RAB3IL1: variants seen among roughly 807,000 people sequenced by gnomAD.
RAB3IL1 encodes RAB3A interacting protein like 1, also known as guanine nucleotide exchange factor for Rab-3A.
RAB3IL1 carries 37 observed loss-of-function variants against 49.2 expected under a neutral mutation model. That is an observed-to-expected ratio of 0.75 (90% CI 0.58 to 0.99). RAB3IL1 has a LOEUF of 0.99. RAB3IL1 is among the 50% of genes least tolerant of loss of function. The pLI is 0.00. For missense variants in RAB3IL1, 484 were observed against 513.0 expected (o/e 0.94, Z 0.55); for synonymous variants, 193 against 213.9 (o/e 0.90, Z 0.85).
At chr11:61,934,446 G>GTATATATATATA in the RAB3IL1 span, among the ~76,000 whole-genome samples, 3 of 24,406 alleles carry the variant, frequency 1.2e-4, no homozygotes, top group East Asian at 1.8e-3. Flanking sequence ...GTGTGTGTGT[G>GTATATATATATA]TATGTATATA....
rs1938684171 is a variant in RAB3IL1, at chr11:61,897,566, G to C, written c.*712C>G. ...TTCTACTGTGGCAGAAAGTGCCCCA[G>C]TCCTTCCAGCGGTTTTGGGAGCAGG... On this transcript the variant is annotated 3_prime_UTR_variant, in exon 10 of 10. Coordinates refer to ENST00000394836, the MANE Select transcript of RAB3IL1 (RefSeq NM_013401.4). 1 of 152,118 alleles carries C rather than the reference G, an allele frequency of 6.6e-6. No individual in the cohort carries two copies. Among genetic ancestry groups the C allele is most frequent in the Admixed American group, 6.6e-5 (1 of 15,258 alleles). 9.4% of individuals were successfully genotyped at this position (152,118 alleles called of 1,614,324 possible).
chr11:61,912,914 G>C (rs117324079), intron 1 of RAB3IL1, among the ~76,000 whole-genome samples: 6 of 152,084 alleles, frequency 3.9e-5, no homozygotes, highest in Non-Finnish European at 5.9e-5. Flanking sequence ...GGGCTGGATG[G>C]GGGGGCAGGA....
the RAB3IL1 span, among the ~76,000 whole-genome samples, chr11:61,941,226 C>A: frequency 6.6e-6 from 1 of 151,134 alleles, no homozygotes; most frequent in Admixed American, 6.6e-5. Context: ...TGAACAAATG[C>A]CTAGAAACCA....
At chr11:61,928,280 A>C in the RAB3IL1 span, among the ~76,000 whole-genome samples, 1 of 152,158 alleles carries the variant, frequency 6.6e-6, no homozygotes, top group Non-Finnish European at 1.5e-5. Context: ...AAGTGCAGCC[A>C]AAGCTGGGAG....
At chr11:61,907,217 C>A (rs1031453778) in intron 4 of RAB3IL1, among the ~76,000 whole-genome samples, 176 bp downstream of exon 4, 2 of 152,220 alleles carry the variant, frequency 1.3e-5, no homozygotes, top group Admixed American at 1.3e-4. Flanking sequence ...GGACACTGGG[C>A]CCTGTGATCT....
intron 8 of RAB3IL1, 74 bp downstream of exon 8, chr11:61,902,368 A>G: frequency 7.8e-7 from 1 of 1,277,398 alleles, no homozygotes; most frequent in African/African-American, 1.5e-5. Context: ...TCATACTCCC[A>G]GGCCCAGGGC....
chr11:61,944,936 C>T, the RAB3IL1 span, among the ~76,000 whole-genome samples: 1 of 151,926 alleles, frequency 6.6e-6, no homozygotes, highest in African/African-American at 2.4e-5. Context: ...CCTGACCTCC[C>T]GTGATTCACC....
At chr11:61,942,318 T>C in the RAB3IL1 span, among the ~76,000 whole-genome samples, 3 of 152,206 alleles carry the variant, frequency 2.0e-5, no homozygotes, top group African/African-American at 7.2e-5. Flanking sequence ...ACACAAACAC[T>C]GTGGAAGGCC....
At position 61,907,592 on chromosome 11, in the gene RAB3IL1, C is replaced by A. The variant is rs760879221; in HGVS notation, c.333G>T (p.Leu111=). The A allele has an allele frequency of 1.9e-6, 3 of 1,614,148 alleles. No homozygotes were observed. The South Asian group carries it at 3.3e-5, about 18-fold the overall frequency. ...CAAACAGGCTGGCCGTCAGCTCTTC[C>A]AGCTCCTGTTCTAGCTGCTCCCGCA... The part of the protein sequence containing the change: ...SKVREQLEQE[L]EELTASLFEE... Residue 111 remains leucine (L), a synonymous_variant, in exon 3 of 10, where the codon CTG becomes CTT. Coordinates refer to ENST00000394836, the MANE Select transcript of RAB3IL1 (RefSeq NM_013401.4).
Position 61,906,045 on chromosome 11 carries a change from C to A in RAB3IL1, c.657+421G>T, listed in dbSNP as rs563110213. On this transcript the variant is annotated intron_variant, in intron 5 of 9. Coordinates refer to ENST00000394836, the MANE Select transcript of RAB3IL1 (RefSeq NM_013401.4). The surrounding 1 kb of genome is among the most constrained non-coding windows in gnomAD (Gnocchi z 4.6). The stretch of plus-strand genomic sequence containing the variant: ...AACCCCTTGAGCACAGGGCTGTCAC[C>A]AGGTGGTCCTGGGGCTCGAGGCTGT... 6.6e-5 allele frequency among the ~76,000 whole-genome samples: 10 copies of A among 152,136 alleles called. No individual in the cohort carries two copies. The highest frequency in any genetic ancestry group is 1.3e-4 in the Non-Finnish European group (9 of 68,008).
upstream of RAB3IL1, among the ~76,000 whole-genome samples, chr11:61,919,859 T>C (rs1033892430): frequency 6.6e-6 from 1 of 152,194 alleles, no homozygotes; most frequent in Non-Finnish European, 1.5e-5. Context: ...CAGCTCACTG[T>C]GTGACCCAGG....
chr11:61,937,158 G>C, the RAB3IL1 span, among the ~76,000 whole-genome samples: 1 of 152,004 alleles, frequency 6.6e-6, no homozygotes, highest in African/African-American at 2.4e-5. Flanking sequence ...ATGTTGATGG[G>C]CATGTAAGGC....
In RAB3IL1 at chr11:61,898,164, C is replaced by A; in HGVS notation, c.*114G>T. The A allele has an allele frequency of 1.1e-6, 1 of 921,880 alleles. No homozygotes were observed. Among genetic ancestry groups the A allele is most frequent in the Non-Finnish European group, 1.7e-6 (1 of 585,890 alleles). The allele number at this position is 921,880 out of a possible 1,614,324, so 57.1% of individuals were successfully genotyped here. A position where few individuals can be genotyped will look rare whatever the true frequency, so the allele number is the denominator to read the frequency against. On this transcript the variant is annotated 3_prime_UTR_variant, in exon 10 of 10. Transcript: ENST00000394836. This position sits in a 1 kb window ranked among gnomAD's most constrained non-coding sequence, Gnocchi z 5.1. ...TGCCTCCATGGCCTGTCTGTCCATC[C>A]ATTCTGCCTCTGGCTCAGGGCTGGC...
At position 61,904,665 on chromosome 11, in the gene RAB3IL1, C is replaced by G; in HGVS notation, c.787-7G>C. 1 of 1,608,186 alleles carries G rather than the reference C, an allele frequency of 6.2e-7. No individual in the cohort carries two copies. The highest frequency in any genetic ancestry group is 1.3e-5 in the African/African-American group (1 of 74,998). ...CCCGTACCAGCACCGAGAGCTGTGG[C>G]AGACCAGGGAGGCAGGCAGGGTGGT... is the stretch of plus-strand genomic sequence containing the variant. On this transcript the variant is annotated splice_region_variant and splice_polypyrimidine_tract_variant and intron_variant, in intron 6 of 9. Transcript: ENST00000394836.
the RAB3IL1 span, among the ~76,000 whole-genome samples, chr11:61,942,953 G>A: frequency 2.6e-5 from 4 of 152,188 alleles, no homozygotes; most frequent in Non-Finnish European, 5.9e-5. Context: ...TACAGACTCA[G>A]TGTAATCCCC....
chr11:61,924,540 G>A (rs554825442), upstream of RAB3IL1, among the ~76,000 whole-genome samples: 42 of 152,128 alleles, frequency 2.8e-4, no homozygotes, highest in African/African-American at 9.9e-4. Context: ...GCCCCTCAGC[G>A]CCCCCACGAA....
upstream of RAB3IL1, among the ~76,000 whole-genome samples, chr11:61,922,033 A>C (rs1035821987): frequency 6.6e-6 from 1 of 151,664 alleles, no homozygotes; most frequent in East Asian, 1.9e-4. Flanking sequence ...TTAAAAAAAA[A>C]CCCGTCTCTA....
chr11:61,917,276 G>A, intron 1 of RAB3IL1, 81 bp downstream of exon 1: 1 of 1,344,148 alleles, frequency 7.4e-7, no homozygotes, highest in Non-Finnish European at 9.5e-7. Flanking sequence ...CAGACCCGGC[G>A]GGGACCCCCG....
At chr11:61,937,150 G>A in the RAB3IL1 span, among the ~76,000 whole-genome samples, 1 of 152,026 alleles carries the variant, frequency 6.6e-6, no homozygotes, top group East Asian at 1.9e-4. Context: ...ATAAATCTAT[G>A]TTGATGGGCA....
Sources: gnomAD v4.1 joint callset for allele counts (sites outside exome capture counted in the v4.1 genomes callset) on GRCh38, gnomAD v4.1.1 for gene constraint, Gnocchi (gnomAD v3.1) non-coding constraint, MANE v1.5 for transcripts, NCBI Gene and HGNC (gene_info 2026-07-23, HGNC 2026-07-21) for gene names.